RNF220: variants seen among roughly 807,000 people sequenced by gnomAD.
RNF220 encodes the protein E3 ubiquitin-protein ligase RNF220.
Under a neutral mutation model 67.1 loss-of-function variants are expected in RNF220, and 7 were observed. The ratio of observed to expected loss-of-function variants is 0.10; its 90% confidence interval spans 0.06 to 0.20. RNF220 has a LOEUF of 0.20. Ranked by LOEUF, RNF220 falls within the 10% of genes least tolerant of loss-of-function variation. The pLI is 1.00. For missense variants in RNF220, 565 were observed against 740.3 expected (o/e 0.76, Z 2.75); for synonymous variants, 270 against 283.2 (o/e 0.95, Z 0.47).
intron 2 of RNF220, among the ~76,000 whole-genome samples, chr1:44,548,183 T>C (rs112476757): frequency 3.9e-5 from 6 of 152,206 alleles, no homozygotes; most frequent in Admixed American, 1.3e-4. Context: ...CCCCTGCTAC[T>C]GACTTAGTTC....
intron 7 of RNF220, 52 bp from the exon 8 acceptor site, chr1:44,635,978 G>A (rs1318059563): frequency 3.0e-5 from 49 of 1,612,974 alleles, no homozygotes; most frequent in Non-Finnish European, 1.2e-5. Flanking sequence ...AGACTGTGGG[G>A]AGCAGGTGGG....
At chr1:44,626,272 C>A in intron 4 of RNF220, 25 bp from the exon 5 acceptor site, 2 of 1,588,460 alleles carry the variant, frequency 1.3e-6, no homozygotes, top group Non-Finnish European at 8.6e-7. Flanking sequence ...TGGCCTGAGG[C>A]CACATGTCTT....
intron 2 of RNF220, among the ~76,000 whole-genome samples, chr1:44,493,352 A>G (rs1442124125): frequency 6.6e-6 from 1 of 152,024 alleles, no homozygotes; most frequent in Non-Finnish European, 1.5e-5. Flanking sequence ...CGTCTCTACT[A>G]AAAATACGAA....
At chr1:44,493,138 C>T (rs556898344) in intron 2 of RNF220, among the ~76,000 whole-genome samples, 18 of 152,196 alleles carry the variant, frequency 1.2e-4, no homozygotes, top group Non-Finnish European at 2.4e-4. Flanking sequence ...ATAATCAAAA[C>T]ACAGTGAAAA....
At position 44,419,775 on chromosome 1, in the gene RNF220, A is replaced by T. The variant is rs184102425; in HGVS notation, c.625+7053A>T. Reference sequence around the variant, plus strand: ...TTCATGATGATGAAGGTAGGGAGGGAGTTTTCCAAGAATTTGTGAAATCAC... The same window carrying T: ...TTCATGATGATGAAGGTAGGGAGGGTGTTTTCCAAGAATTTGTGAAATCAC... On this transcript the variant is annotated intron_variant, in intron 2 of 14. Coordinates refer to ENST00000361799, the MANE Select transcript of RNF220 (RefSeq NM_018150.4). 507 of 152,282 alleles carry T rather than the reference A, an allele frequency of 3.3e-3. 8 individuals are homozygous for T. The highest frequency in any genetic ancestry group is 0.012 in the African/African-American group (491 of 41,556). The allele number at this position is 152,282 out of a possible 1,614,324, so 9.4% of individuals were successfully genotyped here.
intron 2 of RNF220, among the ~76,000 whole-genome samples, chr1:44,588,245 C>T (rs1291310609): frequency 6.6e-6 from 1 of 152,200 alleles, no homozygotes; most frequent in Admixed American, 6.5e-5. Context: ...ACGGCAGCTC[C>T]CATGGAGGCT....
At chr1:44,473,745 G>A (rs935493535) in intron 2 of RNF220, among the ~76,000 whole-genome samples, 3 of 152,088 alleles carry the variant, frequency 2.0e-5, no homozygotes, top group Non-Finnish European at 2.9e-5. Flanking sequence ...TAATAATATC[G>A]TAGCTATCTC....
chr1:44,526,400 A>G (rs1439310659), intron 2 of RNF220, among the ~76,000 whole-genome samples: 1 of 152,178 alleles, frequency 6.6e-6, no homozygotes, highest in African/African-American at 2.4e-5. Context: ...TAAAGGCCAA[A>G]CAGCCACAAC....
intron 3 of RNF220, among the ~76,000 whole-genome samples, chr1:44,617,033 G>C (rs891415419): frequency 6.6e-6 from 1 of 151,924 alleles, no homozygotes; most frequent in Admixed American, 6.6e-5. Context: ...TGCTTCTCAC[G>C]GCTATGTCTT....
At chr1:44,631,826 A>T in intron 5 of RNF220, 1 of 855,758 alleles carries the variant, frequency 1.2e-6, no homozygotes, top group Non-Finnish European at 1.4e-6. Context: ...GGTAGGCTTC[A>T]CGGGCGGTGG....
At chr1:44,614,041 C>A in intron 2 of RNF220, 124 bp from the exon 3 acceptor site, 2 of 1,309,616 alleles carry the variant, frequency 1.5e-6, no homozygotes, top group Non-Finnish European at 2.1e-6. Flanking sequence ...AACCCTCAGG[C>A]CCCTCCTCTA....
chr1:44,570,303 A>G (rs1463146680), intron 2 of RNF220, among the ~76,000 whole-genome samples: 1 of 152,132 alleles, frequency 6.6e-6, no homozygotes, highest in Non-Finnish European at 1.5e-5. Flanking sequence ...AACCCCATCC[A>G]GCGCTGTCCC....
chr1:44,522,158 G>A (rs1037281918), intron 2 of RNF220, among the ~76,000 whole-genome samples: 4 of 152,178 alleles, frequency 2.6e-5, no homozygotes, highest in African/African-American at 4.8e-5. Context: ...CATGACAAAT[G>A]TTTGCAAAAC....
At chr1:44,407,552 A>G (rs1262760862) in intron 1 of RNF220, among the ~76,000 whole-genome samples, 2 of 152,052 alleles carry the variant, frequency 1.3e-5, no homozygotes, top group Non-Finnish European at 2.9e-5. Flanking sequence ...AAGGCTGGGG[A>G]AGGCCGAGGA....
At chr1:44,581,413 G>A (rs1320208973) in intron 2 of RNF220, among the ~76,000 whole-genome samples, 1 of 152,160 alleles carries the variant, frequency 6.6e-6, no homozygotes, top group Non-Finnish European at 1.5e-5. Flanking sequence ...GGAGAGCAAA[G>A]GGCCTCCCCA....
Position 44,638,037 on chromosome 1 carries a change from C to A in RNF220, c.1126+1875C>A, listed in dbSNP as rs558710336. On this transcript the variant is annotated intron_variant, in intron 8 of 14. Transcript: ENST00000361799. ...CGCAGTGGAGCGGAGGAGGCTGAGG[C>A]TCCTCAGTGGGGGGGCTATCAAAGG... Among the ~76,000 whole-genome samples, 54 of 152,352 alleles carry A rather than the reference C, an allele frequency of 3.5e-4. 1 individual carries two copies. Among genetic ancestry groups the A allele is most frequent in the Non-Finnish European group, 6.3e-4 (43 of 68,032 alleles).
chr1:44,649,782 G>T lies in RNF220; in HGVS notation c.1554+13G>T. On this transcript the variant is annotated intron_variant, in intron 13 of 14. Transcript: ENST00000361799. This position sits in a 1 kb window ranked among gnomAD's most constrained non-coding sequence, Gnocchi z 5.9. ...CCTCATCTGCATGGTGAGTAGAAAA[G>T]AACCTAGGGGTGCCCTTGGTCAGGC... 1 of 1,613,750 alleles carries T rather than the reference G, an allele frequency of 6.2e-7. No homozygotes were observed.
chr1:44,557,748 TC>T (rs1317792156), intron 2 of RNF220, among the ~76,000 whole-genome samples: 1 of 152,230 alleles, frequency 6.6e-6, no homozygotes, highest in African/African-American at 2.4e-5. Context: ...CCAAATGTGT[TC>T]GAGTTTCAAA....
intron 2 of RNF220, among the ~76,000 whole-genome samples, chr1:44,551,569 A>G (rs1202288913): frequency 6.6e-6 from 1 of 152,210 alleles, no homozygotes; most frequent in African/African-American, 2.4e-5. Flanking sequence ...ACTGCTTTCT[A>G]GAAAGGTTAT....
Sources: gnomAD v4.1 joint callset for allele counts (sites outside exome capture counted in the v4.1 genomes callset) on GRCh38, gnomAD v4.1.1 for gene constraint, Gnocchi (gnomAD v3.1) non-coding constraint, MANE v1.5 for transcripts, NCBI Gene and HGNC (gene_info 2026-07-23, HGNC 2026-07-21) for gene names.